The following PAPSS2 variants were observed in gnomAD, a reference collection of about 807,000 sequenced individuals.
PAPSS2 encodes the protein 3'-phosphoadenosine 5'-phosphosulfate synthase 2, also known as bifunctional 3'-phosphoadenosine 5'-phosphosulfate synthase 2.
In PAPSS2, 61 loss-of-function variants were observed where a neutral mutation model predicts 66.5. The ratio of observed to expected loss-of-function variants is 0.92; its 90% CI spans 0.75 to 1.14. PAPSS2 has a LOEUF of 1.14. Ranked by LOEUF, PAPSS2 falls within the 50% of genes most tolerant of loss-of-function variation. PAPSS2 has a pLI of 0.00. For missense variants in PAPSS2, 708 were observed against 789.6 expected (o/e 0.90, Z 1.24); for synonymous variants, 289 against 287.5 (o/e 1.01, Z -0.05).
At chr10:87,672,314 A>G (rs1205032035) in intron 1 of PAPSS2, among the ~76,000 whole-genome samples, 1 of 152,198 alleles carries the variant, frequency 6.6e-6, no homozygotes, top group Non-Finnish European at 1.5e-5. Context: ...TGTGCTGTGA[A>G]ACATTATATG....
At chr10:87,723,915 G>A (rs939573072) in intron 8 of PAPSS2, among the ~76,000 whole-genome samples, 8 of 152,128 alleles carry the variant, frequency 5.3e-5, no homozygotes, top group Non-Finnish European at 1.0e-4. Flanking sequence ...ATAAATAACT[G>A]CATTTGCTTC....
chr10:87,727,259 G>T (rs376867519), intron 8 of PAPSS2, 25 bp from the exon 9 acceptor site: 2 of 1,598,582 alleles, frequency 1.3e-6, no homozygotes, highest in South Asian at 1.1e-5. Context: ...TCTAGTTTTC[G>T]TGCATCACAT....
chr10:87,745,864 G>C lies in PAPSS2; in HGVS notation c.1754G>C (p.Arg585Pro), dbSNP rs764002655. The change falls in exon 13 of 13, where the codon CGA becomes CCA. Residue 585 changes from arginine (R) to proline (P), a missense_variant. Arg to Pro is a moderately radical substitution (Grantham distance 103, BLOSUM62 -2). Coordinates refer to ENST00000456849, the MANE Select transcript of PAPSS2 (RefSeq NM_001015880.2). ...GAGTTTGACTTCATCTCAGGAACTC[G>C]AATGAGGAAGCTCGCCCGGGAAGGA... Reference protein sequence around the residue: ...HNEFDFISGTRMRKLAREGEN... With the variant: ...HNEFDFISGTPMRKLAREGEN... 6.2e-7 allele frequency: 1 copy of C among 1,614,012 alleles called. No homozygotes were observed. Among genetic ancestry groups the C allele is most frequent in the Non-Finnish European group, 8.5e-7 (1 of 1,179,974 alleles).
In PAPSS2 at chr10:87,713,312, T is replaced by TAAAAAAAAAAAAAAAAA. The variant is rs367885911; in HGVS notation, c.381+8_381+24dup. On this transcript the variant is annotated splice_region_variant and intron_variant, in intron 3 of 12. Coordinates refer to ENST00000456849, the MANE Select transcript of PAPSS2 (RefSeq NM_001015880.2). ...AGCTTTATTTCTCCATTCGCAAAGG[T>TAAAAAAAAAAAAAAAAA]AAAAAAAAAAAAAAAAAAAAAAGGC... The TAAAAAAAAAAAAAAAAA allele has an allele frequency of 3.5e-4, 201 of 575,114 alleles. 7 individuals carry two copies. The highest frequency in any genetic ancestry group is 1.2e-3 in the East Asian group (22 of 18,762). 35.6% of individuals were successfully genotyped at this position (575,114 alleles called of 1,614,324 possible).
chr10:87,713,993 G>T, intron 3 of PAPSS2, 51 bp from the exon 4 acceptor site: 1 of 1,604,488 alleles, frequency 6.2e-7, no homozygotes, highest in South Asian at 1.1e-5. Context: ...TTGTGATTTA[G>T]AATTTCACCG....
Position 87,676,666 on chromosome 10 carries a change from A to G in PAPSS2, c.27+16658A>G, listed in dbSNP as rs114676229. On this transcript the variant is annotated intron_variant, in intron 1 of 12. Transcript: ENST00000456849. The stretch of plus-strand genomic sequence containing the variant: ...TTTAAAAATTAATATGTTGCGTTAT[A>G]TAGCACTTATCTTTACAGAGATTAT... Among the ~76,000 whole-genome samples the G allele has an allele frequency of 3.9e-3, 589 of 152,228 alleles. 6 individuals carry two copies. Among genetic ancestry groups the G allele is most frequent in the African/African-American group, 0.013 (552 of 41,540 alleles).
intron 1 of PAPSS2, among the ~76,000 whole-genome samples, chr10:87,676,755 A>G (rs1195757948): frequency 2.0e-5 from 3 of 151,838 alleles, no homozygotes; most frequent in Non-Finnish European, 4.4e-5. Context: ...GCCTGTAGAC[A>G]CAGCTACTTG....
chr10:87,702,786 G>T (rs1396038821), intron 1 of PAPSS2, among the ~76,000 whole-genome samples: 1 of 152,118 alleles, frequency 6.6e-6, no homozygotes, highest in Non-Finnish European at 1.5e-5. Context: ...CAGACACCTG[G>T]TTTAGGGCTT....
chr10:87,745,910 C>T lies in PAPSS2; in HGVS notation c.1800C>T (p.Phe600=), dbSNP rs1313942088. The T allele has an allele frequency of 6.2e-7, 1 of 1,614,044 alleles. No individual in the cohort carries two copies. Among genetic ancestry groups the T allele is most frequent in the South Asian group, 1.1e-5 (1 of 91,078 alleles). ...AAGGAGAGAATCCCCCAGATGGCTT[C>T]ATGGCCCCCAAAGCATGGAAGGTCC... ...AREGENPPDG[F]MAPKAWKVLT... is the part of the protein sequence containing the mutation. Residue 600 remains phenylalanine, a synonymous_variant, in exon 13 of 13, where the codon TTC becomes TTT. Transcript: ENST00000456849.
chr10:87,703,735 G>C lies in PAPSS2; in HGVS notation c.28-5461G>C, dbSNP rs748091269. On this transcript the variant is annotated intron_variant, in intron 1 of 12. Coordinates refer to ENST00000456849, the MANE Select transcript of PAPSS2 (RefSeq NM_001015880.2). ...ATGCTACTCCGATGCATGCTACAGA[G>C]AGTTTTTCTGGGCCAGTAGTGGGAA... 7.7e-6 allele frequency: 4 copies of C among 518,942 alleles called. 1 individual carries two copies. In the Middle Eastern group the frequency reaches 1.3e-3, roughly 165 times the overall value. 32.1% of individuals were successfully genotyped at this position (518,942 alleles called of 1,614,324 possible).
Position 87,713,280 on chromosome 10 carries a change from C to A in PAPSS2, c.351C>A (p.Cys117Ter). ...TGTTTGCTGATGCTGGTCTGGTCTG[C>A]ATTACCAGCTTTATTTCTCCATTCG... ...AKLFADAGLV[C>*]ITSFISPFAK... The change falls in exon 3 of 13, where the codon TGC becomes TGA. Residue 117 changes from cysteine to a stop codon, truncating the protein, a stop_gained. Transcript: ENST00000456849. LOFTEE classifies it high-confidence loss of function. The A allele has an allele frequency of 2.3e-6, 3 of 1,294,588 alleles. No individual in the cohort carries two copies. Among genetic ancestry groups the A allele is most frequent in the Non-Finnish European group, 2.2e-6 (2 of 927,976 alleles). 80.2% of individuals were successfully genotyped at this position (1,294,588 alleles called of 1,614,324 possible). A position where few individuals can be genotyped will look rare whatever the true frequency, so the allele number is the denominator to read the frequency against.
chr10:87,713,866 G>A (rs1853499268), intron 3 of PAPSS2, among the ~76,000 whole-genome samples, 178 bp from the exon 4 acceptor site: 2 of 152,076 alleles, frequency 1.3e-5, no homozygotes, highest in South Asian at 4.1e-4. Flanking sequence ...TTCTGTGAAA[G>A]TCCTTGAGAG....
chr10:87,670,273 G>A (rs531838104), intron 1 of PAPSS2, among the ~76,000 whole-genome samples: 1 of 152,306 alleles, frequency 6.6e-6, no homozygotes, highest in East Asian at 1.9e-4. Flanking sequence ...ATATTAATAT[G>A]ATTTGTAGAT....
chr10:87,700,596 G>A (rs1211802796), intron 1 of PAPSS2, among the ~76,000 whole-genome samples: 2 of 151,536 alleles, frequency 1.3e-5, no homozygotes, highest in Non-Finnish European at 2.9e-5. Context: ...ACGTGGAGGC[G>A]GCAGTGAGCC....
At chr10:87,724,400 C>T (rs530180090) in intron 8 of PAPSS2, among the ~76,000 whole-genome samples, 1 of 151,624 alleles carries the variant, frequency 6.6e-6, no homozygotes, top group Non-Finnish European at 1.5e-5. Context: ...GATGGGGAGA[C>T]CTGTGGGATT....
chr10:87,738,405 C>CTG (rs765974929), intron 9 of PAPSS2, among the ~76,000 whole-genome samples: 3 of 148,040 alleles, frequency 2.0e-5, no homozygotes, highest in Admixed American at 1.3e-4. Context: ...TTTTTCTTTT[C>CTG]TGTGTGTGTG....
At chr10:87,681,908 T>G (rs1338167400) in intron 1 of PAPSS2, among the ~76,000 whole-genome samples, 1 of 152,206 alleles carries the variant, frequency 6.6e-6, no homozygotes, top group African/African-American at 2.4e-5. Flanking sequence ...ACGATTCCAT[T>G]GTGTGGGTAT....
chr10:87,734,663 G>GTGTATA (rs1491455056), intron 9 of PAPSS2, among the ~76,000 whole-genome samples: 23 of 81,092 alleles, frequency 2.8e-4, no homozygotes, highest in Non-Finnish European at 4.6e-4. Flanking sequence ...GAATGTGTGT[G>GTGTATA]TATATATATA....
In PAPSS2 at chr10:87,663,257, G is replaced by A. The variant is rs576979667; in HGVS notation, c.27+3249G>A. Among the ~76,000 whole-genome samples the A allele has an allele frequency of 3.3e-5, 5 of 151,934 alleles. No individual in the cohort carries two copies. In the South Asian group the frequency reaches 1.0e-3, roughly 32 times the overall value. On this transcript the variant is annotated intron_variant, in intron 1 of 12. Coordinates refer to ENST00000456849, the MANE Select transcript of PAPSS2 (RefSeq NM_001015880.2). ...CTCCCGAGTAGCTGGCACTACTGGT[G>A]TGTACCACCACGCCCAGCTAATTTT...
Sources: allele counts gnomAD v4.1 joint callset (sites outside exome capture counted in the v4.1 genomes callset), GRCh38; gene constraint gnomAD v4.1.1; transcripts MANE v1.5; gene names NCBI Gene and HGNC (gene_info 2026-07-23, HGNC 2026-07-21).